The following SBF2 variants were observed in gnomAD, a reference collection of about 807,000 sequenced individuals.
The protein encoded by SBF2 is SET binding factor 2, also known as myotubularin-related protein 13.
Under a neutral mutation model 225.2 loss-of-function variants are expected in SBF2, and 112 were observed. That is an observed-to-expected ratio of 0.50 (90% CI 0.43 to 0.58). The LOEUF is 0.58. Among genes scored for constraint, SBF2 ranks in the 20% least tolerant of loss-of-function variants. SBF2 has a pLI of 0.00. For missense variants in SBF2, 1,996 were observed against 2,206.2 expected, an observed-to-expected ratio of 0.90 and a Z score of 1.91; for synonymous variants, 763 against 773.3, an observed-to-expected ratio of 0.99 and a Z score of 0.22.
At chr11:10,261,465 A>G (rs1473917987) in intron 1 of SBF2, among the ~76,000 whole-genome samples, 2 of 152,188 alleles carry the variant, frequency 1.3e-5, no homozygotes, top group Non-Finnish European at 2.9e-5. Context: ...GGCCCCCCAA[A>G]GTGCTGGGAT....
chr11:10,226,556 A>T (rs1486353509), intron 1 of SBF2, among the ~76,000 whole-genome samples: 19 of 143,864 alleles, frequency 1.3e-4, no homozygotes, highest in Non-Finnish European at 3.0e-5. Flanking sequence ...TTCAATTCCC[A>T]CCTATGAGTG....
At chr11:10,082,989 C>T (rs1043397845) in intron 2 of SBF2, among the ~76,000 whole-genome samples, 8 of 152,134 alleles carry the variant, frequency 5.3e-5, no homozygotes, top group African/African-American at 1.9e-4. Flanking sequence ...CCTAAAGACT[C>T]CTCCAAAAGA....
intron 2 of SBF2, among the ~76,000 whole-genome samples, chr11:10,054,991 C>T (rs548602739): frequency 6.6e-6 from 1 of 152,044 alleles, no homozygotes; most frequent in South Asian, 2.1e-4. Flanking sequence ...CTCACTGCAA[C>T]CTCCACCTCC....
chr11:9,907,511 A>AT (rs1235594349), intron 16 of SBF2, among the ~76,000 whole-genome samples: 4 of 152,124 alleles, frequency 2.6e-5, no homozygotes, highest in Non-Finnish European at 4.4e-5. Context: ...AGGCAAAAGG[A>AT]TTTTTTTATT....
At chr11:9,829,246 G>C in intron 28 of SBF2, 110 bp downstream of exon 28, 1 of 1,273,498 alleles carries the variant, frequency 7.9e-7, no homozygotes. Context: ...CTTTTAAGAA[G>C]TCTTGGTGAA....
At chr11:10,175,045 C>T (rs976207946) in intron 2 of SBF2, among the ~76,000 whole-genome samples, 44 of 151,918 alleles carry the variant, frequency 2.9e-4, no homozygotes, top group Non-Finnish European at 5.6e-4. Flanking sequence ...CGATACCAGC[C>T]GCTGCAAAAT....
At chr11:10,138,854 C>G (rs1184867741) in intron 2 of SBF2, among the ~76,000 whole-genome samples, 5 of 152,106 alleles carry the variant, frequency 3.3e-5, no homozygotes, top group Admixed American at 2.0e-4. Flanking sequence ...AGACTATGGT[C>G]TGTCTTGGTG....
chr11:10,052,342 C>T lies in SBF2; in HGVS notation c.142-9361G>A, dbSNP rs59140383. 6.3e-3 allele frequency among the ~76,000 whole-genome samples: 955 copies of T among 152,182 alleles called. 9 individuals carry two copies. Among genetic ancestry groups the T allele is most frequent in the African/African-American group, 0.022 (905 of 41,552 alleles). On this transcript the variant is annotated intron_variant, in intron 2 of 39. Transcript: ENST00000256190. Reference sequence around the variant, plus strand: ...GATACCTGCATGAGTGTATGAGCAACGACTTGTTTTTGACAACTCCCTTCT... The same window carrying T: ...GATACCTGCATGAGTGTATGAGCAATGACTTGTTTTTGACAACTCCCTTCT...
At chr11:10,150,009 C>A (rs1385169683) in intron 2 of SBF2, among the ~76,000 whole-genome samples, 1 of 152,140 alleles carries the variant, frequency 6.6e-6, no homozygotes, top group East Asian at 1.9e-4. Flanking sequence ...GAGCTAGTAT[C>A]ATGGCCCCAC....
In SBF2 at chr11:9,787,654, CTTT is replaced by C. The variant is rs750958357; in HGVS notation, c.5014_5016del (p.Lys1672del). 716 of 1,614,134 alleles carry C rather than the reference CTTT, an allele frequency of 4.4e-4. No individual in the cohort carries two copies. Among genetic ancestry groups the C allele is most frequent in the Middle Eastern group, 1.5e-3 (9 of 6,060 alleles). On this transcript the variant is annotated inframe_deletion, in exon 36 of 40. Transcript: ENST00000256190. ...CTCACGCGATCTGTTCTTGGTTCTT[CTTT>C]AAGGTCCACGGTTACCCTTTCCCAC...
At chr11:10,130,535 A>G (rs760654385) in intron 2 of SBF2, among the ~76,000 whole-genome samples, 31 of 152,302 alleles carry the variant, frequency 2.0e-4, no homozygotes, top group Non-Finnish European at 4.0e-4. Flanking sequence ...TATATAATAC[A>G]ATATCAAAAC....
At chr11:10,052,682 G>A (rs939565002) in intron 2 of SBF2, among the ~76,000 whole-genome samples, 6 of 152,026 alleles carry the variant, frequency 3.9e-5, no homozygotes, top group Non-Finnish European at 8.8e-5. Flanking sequence ...TAAAAGGTAC[G>A]TGCTAATATA....
At chr11:9,915,402 G>A (rs1161034156) in intron 16 of SBF2, among the ~76,000 whole-genome samples, 4 of 146,142 alleles carry the variant, frequency 2.7e-5, no homozygotes, top group African/African-American at 1.0e-4. Flanking sequence ...AGCCGAGATC[G>A]CGCCACTGTA....
In SBF2 at chr11:9,780,364, T is replaced by G; in HGVS notation, c.*54A>C. On this transcript the variant is annotated 3_prime_UTR_variant, in exon 40 of 40. Coordinates refer to ENST00000256190, the MANE Select transcript of SBF2 (RefSeq NM_030962.4). The stretch of plus-strand genomic sequence containing the variant: ...TCAAGGATCCATGCTTCTTTTTCTA[T>G]CTATCTGGCAGCATGAGTTCTTCTG... 3 of 1,464,838 alleles carry G rather than the reference T, an allele frequency of 2.0e-6. No homozygotes were observed. In the Admixed American group the frequency reaches 5.1e-5, roughly 25 times the overall value. 90.7% of individuals were successfully genotyped at this position (1,464,838 alleles called of 1,614,324 possible).
intron 38 of SBF2, among the ~76,000 whole-genome samples, chr11:9,781,904 T>C (rs1590068859): frequency 6.6e-6 from 1 of 152,244 alleles, no homozygotes; most frequent in East Asian, 1.9e-4. Flanking sequence ...GAATCAAGGC[T>C]GGGCATGGTG....
chr11:9,922,306 C>T (rs566714690), intron 16 of SBF2, among the ~76,000 whole-genome samples: 4 of 152,052 alleles, frequency 2.6e-5, no homozygotes, highest in African/African-American at 9.7e-5. Context: ...ACGAGTGAGG[C>T]ATATTTTAGC....
chr11:9,976,069 C>CT lies in SBF2; in HGVS notation c.1396-7525dup, dbSNP rs1425127093. ...ATCTCATATTCTTCTTCTTCTTCTT[C>CT]TTCTTTTTTTTTTTTTTTTTTTGAG... On this transcript the variant is annotated intron_variant, in intron 13 of 39. Coordinates refer to ENST00000256190, the MANE Select transcript of SBF2 (RefSeq NM_030962.4). Among the ~76,000 whole-genome samples, 1,059 of 139,418 alleles carry CT rather than the reference C, an allele frequency of 7.6e-3. 16 individuals carry two copies. The highest frequency in any genetic ancestry group is 0.027 in the African/African-American group (992 of 36,966). The allele number at this position is 139,418 out of a possible 152,430, so 91.5% of individuals were successfully genotyped here.
intron 1 of SBF2, among the ~76,000 whole-genome samples, chr11:10,268,663 T>TA (rs1962211840): frequency 6.6e-6 from 1 of 152,204 alleles, no homozygotes; most frequent in African/African-American, 2.4e-5. Flanking sequence ...AGCATTCTGC[T>TA]AAAAAAGTAG....
intron 1 of SBF2, among the ~76,000 whole-genome samples, chr11:10,228,226 G>C (rs1307332721): frequency 3.9e-5 from 6 of 152,190 alleles, no homozygotes; most frequent in Admixed American, 1.3e-4. Context: ...TTTGGGCTGA[G>C]ACGATGGGGT....
Sources: gnomAD v4.1 joint callset for allele counts (sites outside exome capture counted in the v4.1 genomes callset) on GRCh38, gnomAD v4.1.1 for gene constraint, MANE v1.5 for transcripts, NCBI Gene and HGNC (gene_info 2026-07-23, HGNC 2026-07-21) for gene names.